WDR26: variants seen among roughly 807,000 people sequenced by gnomAD.
The protein encoded by WDR26 is WD repeat-containing protein 26.
A neutral mutation model predicts 84.1 loss-of-function variants in WDR26; 5 were observed. The ratio of observed to expected loss-of-function variants is 0.06; its 90% CI spans 0.03 to 0.13. WDR26 has a LOEUF of 0.13. Among genes scored for constraint, WDR26 ranks in the 10% least tolerant of loss-of-function variants. The pLI is 1.00. For missense variants in WDR26, 642 were observed against 974.9 expected (o/e 0.66, Z 4.55); for synonymous variants, 415 against 389.6 (o/e 1.07, Z -0.77).
At chr1:224,419,264 A>G (rs1439382389) in intron 5 of WDR26, among the ~76,000 whole-genome samples, 1 of 152,180 alleles carries the variant, frequency 6.6e-6, no homozygotes, top group Admixed American at 6.5e-5. Context: ...TTTTCCCCCA[A>G]ACAAAATCTT....
Position 224,389,813 on chromosome 1 carries a change from G to C in WDR26, c.*22C>G. ...ACGACTAATTTTAAGTTAAACAGAAGTCGTCTGCTCCAAATTCACCATCAA... is the reference window on the plus strand; with the variant it reads ...ACGACTAATTTTAAGTTAAACAGAACTCGTCTGCTCCAAATTCACCATCAA... On this transcript the variant is annotated 3_prime_UTR_variant, in exon 14 of 14. Coordinates refer to ENST00000414423, the MANE Select transcript of WDR26 (RefSeq NM_001379403.1). 1 of 1,539,120 alleles carries C rather than the reference G, an allele frequency of 6.5e-7. No homozygotes were observed. The highest frequency in any genetic ancestry group is 8.8e-7 in the Non-Finnish European group (1 of 1,136,118).
chr1:224,401,702 G>GAAAAAAGAAAAAAAAAAGAAAA lies in WDR26; in HGVS notation c.1600-634_1600-633insTTTTCTTTTTTTTTTCTTTTTT, dbSNP rs55816628. On this transcript the variant is annotated intron_variant, in intron 8 of 13. Coordinates refer to ENST00000414423, the MANE Select transcript of WDR26 (RefSeq NM_001379403.1). ...AAAAAAAAAAAAAGAAAAAAAAAAAGAAAAAAGAAAAAAAAAGAGAAAAAC... is the reference window on the plus strand; with the variant it reads ...AAAAAAAAAAAAAGAAAAAAAAAAAGAAAAAAGAAAAAAAAAAGAAAAAAAAAAGAAAAAAAAAGAGAAAAAC... Among the ~76,000 whole-genome samples, 21 of 97,790 alleles carry GAAAAAAGAAAAAAAAAAGAAAA rather than the reference G, an allele frequency of 2.1e-4. No individual in the cohort carries two copies. In the South Asian group the frequency reaches 5.6e-3, roughly 26 times the overall value. 64.2% of individuals were successfully genotyped at this position (97,790 alleles called of 152,430 possible).
intron 3 of WDR26, among the ~76,000 whole-genome samples, chr1:224,426,772 T>C (rs928882892): frequency 1.3e-5 from 2 of 151,878 alleles, no homozygotes; most frequent in Non-Finnish European, 2.9e-5. Flanking sequence ...AATGAAGACC[T>C]CATATATTTT....
Position 224,389,562 on chromosome 1 carries a change from T to A in WDR26, c.*273A>T, listed in dbSNP as rs1673068306. On this transcript the variant is annotated 3_prime_UTR_variant, in exon 14 of 14. Transcript: ENST00000414423. ...AAAAAAATATATATACTGAGTTCAA[T>A]GGGTAAGCCTGAATGTAGCACAGTT... The A allele has an allele frequency of 1.9e-6, 1 of 539,120 alleles. No homozygotes were observed. Among genetic ancestry groups the A allele is most frequent in the Non-Finnish European group, 3.2e-6 (1 of 311,442 alleles). The allele number at this position is 539,120 out of a possible 1,614,324, so 33.4% of individuals were successfully genotyped here. A position where few individuals can be genotyped will look rare whatever the true frequency, so the allele number is the denominator to read the frequency against.
Position 224,427,103 on chromosome 1 carries a change from C to CAAAAAAAAAAAAAAAAAAAA in WDR26, c.928-2450_928-2449insTTTTTTTTTTTTTTTTTTTT, listed in dbSNP as rs769063024. ...GGGCAACGAGAGCAAAACTCTGTCT[C>CAAAAAAAAAAAAAAAAAAAA]CAAAAAAAAAAAAAAAAAAAAAAAG... is the stretch of plus-strand genomic sequence containing the variant. On this transcript the variant is annotated intron_variant, in intron 3 of 13. Transcript: ENST00000414423. Among the ~76,000 whole-genome samples the CAAAAAAAAAAAAAAAAAAAA allele has an allele frequency of 2.2e-5, 2 of 91,168 alleles. 1 individual carries two copies. The highest frequency in any genetic ancestry group is 8.7e-5 in the African/African-American group (2 of 23,116). 59.8% of individuals were successfully genotyped at this position (91,168 alleles called of 152,430 possible).
chr1:224,407,595 G>A (rs937229216), intron 7 of WDR26, among the ~76,000 whole-genome samples: 7 of 148,900 alleles, frequency 4.7e-5, no homozygotes, highest in Non-Finnish European at 8.9e-5. Context: ...TGCACCCTCC[G>A]CCTCCCAGGT....
chr1:224,402,184 T>A (rs1673438735), intron 8 of WDR26: 3 of 152,134 alleles, frequency 2.0e-5, no homozygotes, highest in African/African-American at 7.2e-5. Flanking sequence ...TGGGGCCAAG[T>A]ACTAAAAGAG....
chr1:224,429,382 A>G (rs1674321516), intron 3 of WDR26: 1 of 152,222 alleles, frequency 6.6e-6, no homozygotes, highest in South Asian at 2.1e-4. Context: ...TTTAGTCTAG[A>G]CTAAGCCATC....
At chr1:224,425,124 G>A (rs1389115715) in intron 3 of WDR26, among the ~76,000 whole-genome samples, 5 of 152,220 alleles carry the variant, frequency 3.3e-5, no homozygotes, top group African/African-American at 1.2e-4. Flanking sequence ...CAATGTGAAA[G>A]AGGGAATAAG....
In WDR26 at chr1:224,434,444, G is replaced by A; in HGVS notation, c.-39C>T. ...TGGGGCGAGGCGGGGGAGGGGAGGCGGGGGCCGGGGAGAGGGTCGGGGTGA... is the reference window on the plus strand; with the variant it reads ...TGGGGCGAGGCGGGGGAGGGGAGGCAGGGGCCGGGGAGAGGGTCGGGGTGA... On this transcript the variant is annotated 5_prime_UTR_variant, in exon 1 of 14. Transcript: ENST00000414423. 4 of 891,176 alleles carry A rather than the reference G, an allele frequency of 4.5e-6. No homozygotes were observed. The highest frequency in any genetic ancestry group is 5.4e-6 in the Non-Finnish European group (4 of 740,976). 55.2% of individuals were successfully genotyped at this position (891,176 alleles called of 1,614,324 possible). A position where few individuals can be genotyped will look rare whatever the true frequency, so the allele number is the denominator to read the frequency against.
rs561891643 is a variant in WDR26, at chr1:224,390,745, G to C, written c.2261-885C>G. 2.0e-5 allele frequency among the ~76,000 whole-genome samples: 3 copies of C among 152,154 alleles called. No homozygotes were observed. The South Asian group carries it at 6.2e-4, about 32-fold the overall frequency. Reference sequence around the variant, plus strand: ...AGATTGCACCACTGCACTTCAGCCTGGGCGACAGAGTGAGACTCCATCTCA... The same window carrying C: ...AGATTGCACCACTGCACTTCAGCCTCGGCGACAGAGTGAGACTCCATCTCA... On this transcript the variant is annotated intron_variant, in intron 13 of 13. Transcript: ENST00000414423.
intron 8 of WDR26, among the ~76,000 whole-genome samples, chr1:224,402,459 GT>G (rs752014261): frequency 2.6e-5 from 4 of 152,134 alleles, no homozygotes; most frequent in Non-Finnish European, 5.9e-5. Flanking sequence ...AGTACATGAG[GT>G]TATTAGATTA....
At chr1:224,422,089 C>A (rs929357369) in intron 4 of WDR26, among the ~76,000 whole-genome samples, 2 of 151,994 alleles carry the variant, frequency 1.3e-5, no homozygotes, top group Non-Finnish European at 2.9e-5. Flanking sequence ...ACGAGAATAC[C>A]CAGTGGGTAA....
chr1:224,433,600 T>TCCCCCCCCCCCCCCCCCCCCCC, intron 1 of WDR26, 84 bp downstream of exon 1: 1 of 287,054 alleles, frequency 3.5e-6, no homozygotes, highest in Non-Finnish European at 6.3e-6. Context: ...CAAGCCCCCC[T>TCCCCCCCCCCCCCCCCCCCCCC]CCCCCCTCCG....
intron 6 of WDR26, among the ~76,000 whole-genome samples, chr1:224,415,771 T>C (rs1185994581): frequency 1.3e-5 from 2 of 152,188 alleles, no homozygotes; most frequent in Non-Finnish European, 2.9e-5. Flanking sequence ...GGAACATGTA[T>C]TTCTTAAAGG....
intron 7 of WDR26, among the ~76,000 whole-genome samples, chr1:224,411,168 C>G (rs1430928541): frequency 6.6e-6 from 1 of 152,106 alleles, no homozygotes; most frequent in East Asian, 1.9e-4. Flanking sequence ...ATGTTAGCAC[C>G]TCACAGAGTT....
chr1:224,422,904 T>C (rs1393584881), intron 4 of WDR26, among the ~76,000 whole-genome samples: 1 of 152,162 alleles, frequency 6.6e-6, no homozygotes, highest in Non-Finnish European at 1.5e-5. Context: ...AAAAGCAATA[T>C]GAGGCTTAAG....
In WDR26 at chr1:224,389,122, T is replaced by G. The variant is rs1673056855; in HGVS notation, c.*713A>C. The stretch of plus-strand genomic sequence containing the variant: ...GGTTTAGATTCCAAATGTATACAAA[T>G]GAAGTCACTTTAATCCTATAAATAC... On this transcript the variant is annotated 3_prime_UTR_variant, in exon 14 of 14. Coordinates refer to ENST00000414423, the MANE Select transcript of WDR26 (RefSeq NM_001379403.1). 1 of 152,688 alleles carries G rather than the reference T, an allele frequency of 6.5e-6. No homozygotes were observed. The highest frequency in any genetic ancestry group is 6.5e-5 in the Admixed American group (1 of 15,274). The allele number at this position is 152,688 out of a possible 1,614,324, so 9.5% of individuals were successfully genotyped here.
In WDR26 at chr1:224,434,246, G is replaced by T; in HGVS notation, c.160C>A (p.Pro54Thr). 3 of 1,374,788 alleles carry T rather than the reference G, an allele frequency of 2.2e-6. No homozygotes were observed. Among genetic ancestry groups the T allele is most frequent in the Non-Finnish European group, 2.8e-6 (3 of 1,067,758 alleles). The allele number at this position is 1,374,788 out of a possible 1,614,324, so 85.2% of individuals were successfully genotyped here. The change falls in exon 1 of 14, where the codon CCG (proline) becomes ACG (threonine). Residue 54 changes from proline (P) to threonine (T), a missense_variant. Pro to Thr is a conservative substitution (Grantham distance 38). Around this residue, in one of 2 missense-constraint regions of WDR26, gnomAD observed 291 missense variants for 302.1 expected, o/e 0.96. Transcript: ENST00000414423. ...GAGGAGGACGAGGACGACGAGGACGGAGGGGAGAGGCCTGCTCTGCCTGCC... is the reference window on the plus strand; with the variant it reads ...GAGGAGGACGAGGACGACGAGGACGTAGGGGAGAGGCCTGCTCTGCCTGCC...
Sources: allele counts gnomAD v4.1 joint callset (sites outside exome capture counted in the v4.1 genomes callset), GRCh38; gene constraint gnomAD v4.1.1; regional missense constraint gnomAD v4.1.1; transcripts MANE v1.5; gene names NCBI Gene and HGNC (gene_info 2026-07-23, HGNC 2026-07-21).